HDAC9: variants seen among roughly 807,000 people sequenced by gnomAD.
HDAC9 encodes MEF-2 interacting transcription repressor (MITR) protein.
HDAC9 carries 41 observed loss-of-function variants against 139.4 expected under a neutral mutation model. The ratio of observed to expected loss-of-function variants is 0.29; its 90% confidence interval spans 0.23 to 0.38. The LOEUF is 0.38. HDAC9 is among the 10% of genes least tolerant of loss of function. HDAC9 has a pLI of 1.00. For missense variants in HDAC9, 1,147 were observed against 1,297.0 expected (o/e 0.88, Z 1.78); for synonymous variants, 517 against 476.2 (o/e 1.09, Z -1.12).
intron 1 of HDAC9, among the ~76,000 whole-genome samples, chr7:18,490,109 T>G (rs1796255900): frequency 6.6e-6 from 1 of 152,114 alleles, no homozygotes; most frequent in African/African-American, 2.4e-5. Flanking sequence ...TAATTTGAAA[T>G]CACACCAAAA....
In HDAC9 at chr7:18,719,331, C is replaced by CTTTTTTTT. The variant is rs757689693; in HGVS notation, c.1732-8230_1732-8223dup. ...CTAATTAACCTATTTTTTTCTCTTC[C>CTTTTTTTT]TTTTTTTTTTTTTTTTTTTTTTTTT... On this transcript the variant is annotated intron_variant, in intron 12 of 25. Coordinates refer to ENST00000686413, the MANE Select transcript of HDAC9 (RefSeq NM_178425.4). 8.1e-3 allele frequency among the ~76,000 whole-genome samples: 595 copies of CTTTTTTTT among 73,868 alleles called. 37 individuals carry two copies. The highest frequency in any genetic ancestry group is 0.01 in the South Asian group (19 of 1,824). The allele number at this position is 73,868 out of a possible 152,430, so 48.5% of individuals were successfully genotyped here. A position where few individuals can be genotyped will look rare whatever the true frequency, so the allele number is the denominator to read the frequency against.
intron 25 of HDAC9, among the ~76,000 whole-genome samples, chr7:18,989,678 C>G (rs1785697922): frequency 1.3e-5 from 2 of 149,970 alleles, no homozygotes; most frequent in South Asian, 4.3e-4. Context: ...CTCCCTGTCA[C>G]TTTCAGGTAC....
chr7:18,547,744 T>G (rs1815475859), intron 2 of HDAC9, among the ~76,000 whole-genome samples: 1 of 152,084 alleles, frequency 6.6e-6, no homozygotes. Flanking sequence ...TCTGAATCCT[T>G]TGTCATCATT....
At chr7:18,425,811 C>T (rs925624628) in intron 1 of HDAC9, among the ~76,000 whole-genome samples, 2 of 152,126 alleles carry the variant, frequency 1.3e-5, no homozygotes, top group African/African-American at 4.8e-5. Flanking sequence ...TAACAATATC[C>T]CTGTGATCTA....
intron 25 of HDAC9, among the ~76,000 whole-genome samples, chr7:18,990,740 T>A (rs185056305): frequency 6.6e-6 from 1 of 152,330 alleles, no homozygotes; most frequent in East Asian, 1.9e-4. Flanking sequence ...GTGCGGGATA[T>A]AATCTCCTGG....
rs1405619 is a variant in HDAC9, at chr7:18,617,220, A to G, written c.665-12130A>G. 7.7e-3 allele frequency among the ~76,000 whole-genome samples: 1,177 copies of G among 152,168 alleles called. 24 individuals carry two copies. Among genetic ancestry groups the G allele is most frequent in the African/African-American group, 0.027 (1,123 of 41,522 alleles). On this transcript the variant is annotated intron_variant, in intron 6 of 25. Transcript: ENST00000686413. ...TGTCCAGTCAATCCTTTGACTTTCT[A>G]AAGTTTAAGTCTAGTCTTCCTACCC...
At chr7:18,568,721 ATTTG>A (rs1371790437) in intron 2 of HDAC9, among the ~76,000 whole-genome samples, 3 of 152,154 alleles carry the variant, frequency 2.0e-5, no homozygotes, top group African/African-American at 4.8e-5. Flanking sequence ...TAGCTTGGAA[ATTTG>A]TTTGTCACAG....
At chr7:18,868,971 C>G (rs1035106914) in intron 21 of HDAC9, among the ~76,000 whole-genome samples, 3 of 152,110 alleles carry the variant, frequency 2.0e-5, no homozygotes, top group Admixed American at 6.5e-5. Flanking sequence ...ACGCCTTCCC[C>G]CATACCTTGT....
intron 2 of HDAC9, among the ~76,000 whole-genome samples, chr7:18,195,871 A>C (rs574915709): frequency 9.5e-4 from 145 of 152,178 alleles, no homozygotes; most frequent in African/African-American, 3.4e-3. Context: ...CATCATCCCT[A>C]TTCCTTTGTA....
At chr7:18,552,058 G>T (rs150784377) in intron 2 of HDAC9, among the ~76,000 whole-genome samples, 6 of 152,074 alleles carry the variant, frequency 3.9e-5, no homozygotes, top group Non-Finnish European at 7.4e-5. Context: ...CATTTGGCTT[G>T]GAATTATCAA....
At chr7:18,215,927 G>C (rs1309685377) in intron 2 of HDAC9, among the ~76,000 whole-genome samples, 1 of 152,018 alleles carries the variant, frequency 6.6e-6, no homozygotes, top group Non-Finnish European at 1.5e-5. Context: ...CATTCATCTG[G>C]TATATCATAT....
intron 19 of HDAC9, among the ~76,000 whole-genome samples, chr7:18,829,900 G>T (rs1007363705): frequency 6.8e-6 from 1 of 148,014 alleles, no homozygotes. Context: ...TGGAAAGAAT[G>T]CTGTTGCTTT....
intron 1 of HDAC9, among the ~76,000 whole-genome samples, chr7:18,460,788 C>CAAAAAAA: frequency 4.4e-5 from 2 of 45,310 alleles, no homozygotes; most frequent in Non-Finnish European, 9.6e-5. Context: ...AACTCTGTCT[C>CAAAAAAA]AAAAAAAAAA....
At chr7:18,208,036 C>G (rs1264383488) in intron 2 of HDAC9, among the ~76,000 whole-genome samples, 1 of 152,076 alleles carries the variant, frequency 6.6e-6, no homozygotes, top group African/African-American at 2.4e-5. Flanking sequence ...TTTTAAAAAG[C>G]AAATTGCTTT....
intron 22 of HDAC9, among the ~76,000 whole-genome samples, chr7:18,886,817 C>A (rs1354176115): frequency 6.6e-6 from 1 of 152,160 alleles, no homozygotes; most frequent in African/African-American, 2.4e-5. Context: ...GATTCTCTTA[C>A]TGTGAGTTTG....
intron 2 of HDAC9, among the ~76,000 whole-genome samples, chr7:18,264,185 A>C (rs923491741): frequency 6.6e-6 from 1 of 152,172 alleles, no homozygotes; most frequent in Non-Finnish European, 1.5e-5. Context: ...AACTAGGCCT[A>C]ATAGGCATTT....
chr7:18,595,256 A>T (rs114385127), intron 6 of HDAC9, among the ~76,000 whole-genome samples: 4,491 of 152,180 alleles, frequency 0.03, 218 homozygotes, highest in African/African-American at 0.1. Flanking sequence ...GATAAGTATT[A>T]TAAAATACCT....
rs1390279929 is a variant in HDAC9 at position 18,767,089 on chromosome 7, G to A, written c.2165-17G>A. 7.4e-7 allele frequency: 1 copy of A among 1,343,242 alleles called. No homozygotes were observed. 83.2% of individuals were successfully genotyped at this position (1,343,242 alleles called of 1,614,324 possible). ...ACCTCCATTTATCTATATTTTTTAT[G>A]TCTTCTTACTGTATAGGTGATGACT... On this transcript the variant is annotated splice_polypyrimidine_tract_variant and intron_variant, in intron 15 of 25. Coordinates refer to ENST00000686413, the MANE Select transcript of HDAC9 (RefSeq NM_178425.4).
chr7:18,732,840 CACACACGTGTGTAT>C (rs1786337198), intron 13 of HDAC9, among the ~76,000 whole-genome samples: 1 of 99,846 alleles, frequency 1.0e-5, no homozygotes, highest in Non-Finnish European at 1.9e-5. Flanking sequence ...CGTATGTGTA[CACACACGTGTGTAT>C]GTGTGCGTAT....
Sources: gnomAD v4.1 joint callset for allele counts (sites outside exome capture counted in the v4.1 genomes callset) on GRCh38, gnomAD v4.1.1 for gene constraint, MANE v1.5 for transcripts, NCBI Gene and HGNC (gene_info 2026-07-23, HGNC 2026-07-21) for gene names.